RBFOX1: variants seen among roughly 807,000 people sequenced by gnomAD.
RBFOX1 encodes RNA binding fox-1 homolog 1.
In RBFOX1, 8 loss-of-function variants were observed where a neutral mutation model predicts 57.7. The observed-to-expected ratio is 0.14, with a 90% CI of 0.08 to 0.25. The LOEUF (loss-of-function observed/expected upper bound fraction) is 0.25. Ranked by LOEUF, RBFOX1 falls within the 10% of genes least tolerant of loss-of-function variation. RBFOX1 has a pLI of 1.00. For synonymous variants in RBFOX1, 326 were observed against 222.4 expected, an observed-to-expected ratio of 1.47 and a Z score of -4.15; for missense variants, 611 against 548.5, an observed-to-expected ratio of 1.11 and a Z score of -1.14.
intron 3 of RBFOX1, among the ~76,000 whole-genome samples, chr16:7,047,574 T>C (rs370475756): frequency 1.3e-5 from 2 of 151,780 alleles, no homozygotes; most frequent in East Asian, 3.9e-4. Flanking sequence ...AAATTGTTTA[T>C]ATCTTTTGTC....
intron 4 of RBFOX1, among the ~76,000 whole-genome samples, chr16:7,467,291 C>T (rs767376182): frequency 6.6e-6 from 1 of 152,158 alleles, no homozygotes; most frequent in Non-Finnish European, 1.5e-5. Context: ...CAGACAGCTG[C>T]TGGGTATGGC....
intron 4 of RBFOX1, among the ~76,000 whole-genome samples, chr16:7,098,018 G>A (rs987110214): frequency 1.3e-5 from 2 of 152,158 alleles, no homozygotes; most frequent in South Asian, 2.1e-4. Context: ...TGACTTAAAT[G>A]AGCTCAGTGA....
At chr16:6,235,643 T>C (rs916286863) in intron 1 of RBFOX1, among the ~76,000 whole-genome samples, 5 of 151,872 alleles carry the variant, frequency 3.3e-5, no homozygotes, top group African/African-American at 7.3e-5. Context: ...CATATATATA[T>C]ACACATATGT....
chr16:6,133,520 C>T (rs2096644731), intron 1 of RBFOX1, among the ~76,000 whole-genome samples: 1 of 152,308 alleles, frequency 6.6e-6, no homozygotes, highest in South Asian at 2.1e-4. Flanking sequence ...GCCTTGATTC[C>T]TGCGATCACG....
At chr16:5,731,731 G>A (rs1278150950) in intron 3 of RBFOX1, among the ~76,000 whole-genome samples, 8 of 152,246 alleles carry the variant, frequency 5.3e-5, no homozygotes, top group East Asian at 3.8e-4. Context: ...AAGAAGAAAT[G>A]TGGGTAGGGA....
At chr16:5,744,886 T>G (rs144415923) in intron 3 of RBFOX1, among the ~76,000 whole-genome samples, 40 of 152,222 alleles carry the variant, frequency 2.6e-4, no homozygotes, top group African/African-American at 9.1e-4. Context: ...CCGCTCTCTC[T>G]CCGACCGCCC....
At chr16:5,537,847 C>T (rs985285628) in intron 2 of RBFOX1, among the ~76,000 whole-genome samples, 5 of 152,216 alleles carry the variant, frequency 3.3e-5, no homozygotes, top group Non-Finnish European at 5.9e-5. Context: ...CTTTAATCTG[C>T]AAAGGCTGTT....
chr16:7,595,517 A>G (rs768046365), intron 7 of RBFOX1, 32 bp from the exon 8 acceptor site: 1 of 1,487,234 alleles, frequency 6.7e-7, no homozygotes, highest in Non-Finnish European at 9.1e-7. Flanking sequence ...AATAATCTGC[A>G]TGTTGTTTTC....
chr16:6,374,044 TA>T (rs2090853142), intron 2 of RBFOX1, among the ~76,000 whole-genome samples: 1 of 152,212 alleles, frequency 6.6e-6, no homozygotes, highest in Non-Finnish European at 1.5e-5. Flanking sequence ...AGTTTGACAG[TA>T]AGTCAGTTAG....
intron 3 of RBFOX1, among the ~76,000 whole-genome samples, chr16:6,966,179 C>A (rs1049558307): frequency 6.6e-6 from 1 of 152,110 alleles, no homozygotes; most frequent in Non-Finnish European, 1.5e-5. Flanking sequence ...CCAGAGGCTT[C>A]CTATCTCTCT....
intron 4 of RBFOX1, among the ~76,000 whole-genome samples, chr16:5,896,735 G>A (rs538996186): frequency 6.6e-6 from 1 of 152,306 alleles, no homozygotes; most frequent in East Asian, 1.9e-4. Flanking sequence ...CTTCAGGGGA[G>A]AGGGTTTCCA....
At chr16:6,960,065 G>A (rs1429097684) in intron 3 of RBFOX1, among the ~76,000 whole-genome samples, 1 of 152,030 alleles carries the variant, frequency 6.6e-6, no homozygotes, top group Non-Finnish European at 1.5e-5. Flanking sequence ...GATAATAAAG[G>A]AATTCTTAAC....
At chr16:6,023,575 C>A (rs1038408916) in intron 1 of RBFOX1, among the ~76,000 whole-genome samples, 10 of 152,122 alleles carry the variant, frequency 6.6e-5, no homozygotes, top group Non-Finnish European at 1.3e-4. Context: ...GTATTTGACA[C>A]AGAAAATACT....
At chr16:5,691,590 T>C (rs1325272596) in intron 3 of RBFOX1, among the ~76,000 whole-genome samples, 1 of 152,226 alleles carries the variant, frequency 6.6e-6, no homozygotes, top group East Asian at 1.9e-4. Flanking sequence ...TGGAATATTT[T>C]GCATTATACT....
intron 4 of RBFOX1, among the ~76,000 whole-genome samples, chr16:7,341,337 G>T (rs2096886619): frequency 6.6e-6 from 1 of 152,074 alleles, no homozygotes; most frequent in African/African-American, 2.4e-5. Context: ...AAACTAGGAG[G>T]CAAAGGCTCC....
At chr16:6,924,832 TCC>T (rs2075234503) in intron 3 of RBFOX1, among the ~76,000 whole-genome samples, 1 of 33,516 alleles carries the variant, frequency 3.0e-5, no homozygotes, top group African/African-American at 9.9e-5. Flanking sequence ...CCCTCCCCCC[TCC>T]CCCTCCCCCT....
chr16:6,070,820 C>T (rs561436596), intron 1 of RBFOX1, among the ~76,000 whole-genome samples: 100 of 151,800 alleles, frequency 6.6e-4, no homozygotes, highest in African/African-American at 2.3e-3. Context: ...CACGCTCGCC[C>T]CCCCCACACA....
At position 6,972,513 on chromosome 16, in the gene RBFOX1, C is replaced by G. The variant is rs78005895; in HGVS notation, c.-15-79544C>G. Reference sequence around the variant, plus strand: ...TCAGTGGACATTTGGGTTGCCGCCACTTGTTGGTGTCTGAATAGTGCTGCT... The same window carrying G: ...TCAGTGGACATTTGGGTTGCCGCCAGTTGTTGGTGTCTGAATAGTGCTGCT... On this transcript the variant is annotated intron_variant, in intron 3 of 15. Coordinates refer to ENST00000550418, the MANE Select transcript of RBFOX1 (RefSeq NM_018723.4). 2.4e-3 allele frequency among the ~76,000 whole-genome samples: 373 copies of G among 152,250 alleles called. 14 individuals carry two copies. In the South Asian group the frequency reaches 0.062, roughly 25 times the overall value.
intron 1 of RBFOX1, among the ~76,000 whole-genome samples, chr16:5,355,063 AAAGAGAGAAAT>A (rs1183952700): frequency 6.6e-6 from 1 of 151,924 alleles, no homozygotes; most frequent in Non-Finnish European, 1.5e-5. Flanking sequence ...GAAGAGAGAG[AAAGAGAGAAAT>A]AAGAGAGAAT....
Sources: gnomAD v4.1 joint callset for allele counts (sites outside exome capture counted in the v4.1 genomes callset) on GRCh38, gnomAD v4.1.1 for gene constraint, MANE v1.5 for transcripts, NCBI Gene and HGNC (gene_info 2026-07-23, HGNC 2026-07-21) for gene names.